ANAPC10: variants seen among roughly 807,000 people sequenced by gnomAD.
ANAPC10 encodes the protein anaphase promoting complex subunit 10, also known as anaphase-promoting complex subunit 10.
ANAPC10 carries 12 observed loss-of-function variants against 22.0 expected under a neutral mutation model. The observed-to-expected ratio is 0.55, with a 90% CI of 0.35 to 0.88. ANAPC10 has a LOEUF of 0.88. ANAPC10 is among the 40% of genes least tolerant of loss of function. The probability of loss-of-function intolerance (pLI) is 0.01; values close to 1 mark genes in which losing one functional copy is unlikely to be tolerated. For synonymous variants in ANAPC10, 65 were observed against 69.5 expected (o/e 0.94, Z 0.32); for missense variants, 188 against 220.9 (o/e 0.85, Z 0.94).
intron 4 of ANAPC10, among the ~76,000 whole-genome samples, chr4:145,057,734 C>G (rs528650776): frequency 6.6e-6 from 1 of 152,150 alleles, no homozygotes; most frequent in African/African-American, 2.4e-5. Context: ...CTGCCCCTCC[C>G]CCTCAGAATG....
At chr4:145,061,423 G>T (rs899402849) in intron 4 of ANAPC10, among the ~76,000 whole-genome samples, 3 of 152,064 alleles carry the variant, frequency 2.0e-5, no homozygotes, top group Admixed American at 6.6e-5. Context: ...GCATCAAAGA[G>T]TTCTTGAATA....
intron 4 of ANAPC10, among the ~76,000 whole-genome samples, chr4:145,001,205 A>G (rs1732496547): frequency 7.6e-6 from 1 of 132,202 alleles, no homozygotes; most frequent in South Asian, 2.9e-4. Context: ...AGAAAGAAAG[A>G]AGGAAGGAGG....
At position 145,063,439 on chromosome 4, in the gene ANAPC10, C is replaced by A. The variant is rs1255001907; in HGVS notation, c.327+1133G>T. On this transcript the variant is annotated intron_variant, in intron 4 of 4. Transcript: ENST00000507656. ...AAAACAATGAAAGTACATGTGATTT[C>A]TATTAAGTATTTTATTACTAACTCA... 9.4e-5 allele frequency among the ~76,000 whole-genome samples: 14 copies of A among 149,186 alleles called. No homozygotes were observed. The Admixed American group carries it at 9.5e-4, about 10-fold the overall frequency.
chr4:145,012,733 T>TA (rs1287404894), intron 4 of ANAPC10, among the ~76,000 whole-genome samples: 8 of 152,172 alleles, frequency 5.3e-5, no homozygotes, highest in Non-Finnish European at 1.2e-4. Context: ...TCTAAATATT[T>TA]AAAAAATAAC....
intron 1 of ANAPC10, chr4:145,097,572 G>A (rs1560950010): frequency 3.1e-6 from 4 of 1,279,068 alleles, no homozygotes; most frequent in East Asian, 1.1e-4. Flanking sequence ...ACTAAATAAC[G>A]GCAGACACAA....
chr4:145,067,085 C>T (rs1291258154), intron 3 of ANAPC10, among the ~76,000 whole-genome samples: 1 of 151,980 alleles, frequency 6.6e-6, no homozygotes, highest in Non-Finnish European at 1.5e-5. Context: ...GAAACTGTGA[C>T]CTCACCAAAA....
intron 3 of ANAPC10, among the ~76,000 whole-genome samples, chr4:145,079,801 C>G (rs1423174577): frequency 6.6e-6 from 1 of 152,120 alleles, no homozygotes; most frequent in African/African-American, 2.4e-5. Flanking sequence ...CATGTTCTCA[C>G]TTATAAGTGG....
chr4:145,010,435 G>A (rs966694173), intron 4 of ANAPC10, among the ~76,000 whole-genome samples: 15 of 152,108 alleles, frequency 9.9e-5, no homozygotes, highest in East Asian at 3.9e-4. Context: ...AATGACCATC[G>A]GTGATAGACT....
At chr4:145,041,656 G>A (rs1739538952) in intron 4 of ANAPC10, among the ~76,000 whole-genome samples, 1 of 152,152 alleles carries the variant, frequency 6.6e-6, no homozygotes, top group East Asian at 1.9e-4. Context: ...TCCATATTCT[G>A]GATTCAGTGA....
At chr4:145,076,813 A>C (rs1745266588) in intron 3 of ANAPC10, among the ~76,000 whole-genome samples, 1 of 152,262 alleles carries the variant, frequency 6.6e-6, no homozygotes, top group Non-Finnish European at 1.5e-5. Flanking sequence ...TTCATAATAC[A>C]TTCAGCAGTG....
At chr4:145,012,210 A>G (rs747614455) in intron 4 of ANAPC10, among the ~76,000 whole-genome samples, 9 of 149,424 alleles carry the variant, frequency 6.0e-5, no homozygotes, top group Non-Finnish European at 1.2e-4. Context: ...ACACACATAT[A>G]TATACATATA....
chr4:145,095,904 C>G (rs1748433200), intron 2 of ANAPC10, 81 bp downstream of exon 2: 2 of 1,586,754 alleles, frequency 1.3e-6, no homozygotes, highest in Non-Finnish European at 1.7e-6. Context: ...TGGAATGTAT[C>G]CCCTGGGATA....
At chr4:145,046,882 T>C (rs1309402834) in intron 4 of ANAPC10, among the ~76,000 whole-genome samples, 9 of 152,106 alleles carry the variant, frequency 5.9e-5, no homozygotes, top group Non-Finnish European at 1.3e-4. Context: ...TGTCTTAATA[T>C]ACATAAGACA....
intron 4 of ANAPC10, among the ~76,000 whole-genome samples, chr4:145,047,995 C>G (rs540270918): frequency 1.4e-4 from 22 of 152,214 alleles, no homozygotes; most frequent in African/African-American, 5.1e-4. Context: ...TAGGATTGCC[C>G]TATATTCCCC....
Position 145,068,192 on chromosome 4 carries a change from T to C in ANAPC10, c.207-3500A>G, listed in dbSNP as rs141516948. ...AATTTCCACCTTGTAGAAAACACCA[T>C]TATCAAAAGCTCTGCTACTATATGT... On this transcript the variant is annotated intron_variant, in intron 3 of 4. Transcript: ENST00000507656. 1.6e-4 allele frequency among the ~76,000 whole-genome samples: 24 copies of C among 152,332 alleles called. No individual in the cohort carries two copies. In the East Asian group the frequency reaches 4.1e-3, roughly 26 times the overall value.
chr4:145,027,522 G>A (rs1736936174), intron 4 of ANAPC10, among the ~76,000 whole-genome samples: 1 of 152,012 alleles, frequency 6.6e-6, no homozygotes, highest in Non-Finnish European at 1.5e-5. Context: ...AGAAACCATT[G>A]AGCACCCTGC....
At chr4:145,089,980 A>G (rs1747431206) in intron 2 of ANAPC10, among the ~76,000 whole-genome samples, 1 of 152,188 alleles carries the variant, frequency 6.6e-6, no homozygotes, top group Non-Finnish European at 1.5e-5. Context: ...AAAGTCTTCT[A>G]TAATCAGGCT....
intron 3 of ANAPC10, among the ~76,000 whole-genome samples, chr4:145,065,224 C>T (rs1231972661): frequency 1.3e-5 from 2 of 151,598 alleles, no homozygotes; most frequent in African/African-American, 4.9e-5. Context: ...TTCTTTCTTT[C>T]TTTTGCTATT....
intron 3 of ANAPC10, among the ~76,000 whole-genome samples, chr4:145,068,961 T>C (rs968936): frequency 0.1 from 15,741 of 152,182 alleles, 1,511 homozygotes; most frequent in East Asian, 0.45. Context: ...GATGCTAAGA[T>C]GAAAGTTTTC....
Sources: allele counts gnomAD v4.1 joint callset (sites outside exome capture counted in the v4.1 genomes callset), GRCh38; gene constraint gnomAD v4.1.1; transcripts MANE v1.5; gene names NCBI Gene and HGNC (gene_info 2026-07-23, HGNC 2026-07-21).